GNAZ: variants seen among roughly 807,000 people sequenced by gnomAD.
The protein encoded by GNAZ is G protein subunit alpha z.
Under a neutral mutation model 25.4 loss-of-function variants are expected in GNAZ, and 3 were observed. The ratio of observed to expected loss-of-function variants is 0.12; its 90% CI spans 0.05 to 0.30. The LOEUF is 0.30. Among genes scored for constraint, GNAZ ranks in the 10% least tolerant of loss-of-function variants. The pLI is 1.00. For missense variants in GNAZ, 241 were observed against 501.8 expected (o/e 0.48, Z 4.97); for synonymous variants, 211 against 205.7 (o/e 1.03, Z -0.22).
At chr22:23,096,830 T>C (rs914088965) in intron 2 of GNAZ, among the ~76,000 whole-genome samples, 1 of 152,206 alleles carries the variant, frequency 6.6e-6, no homozygotes, top group African/African-American at 2.4e-5. Flanking sequence ...AAGAGCTGTT[T>C]AGAAGGGATA....
At chr22:23,111,135 T>C (rs2146362445) in intron 2 of GNAZ, among the ~76,000 whole-genome samples, 1 of 152,318 alleles carries the variant, frequency 6.6e-6, no homozygotes, top group African/African-American at 2.4e-5. Flanking sequence ...CTCCACCTGC[T>C]CTCACACTGA....
At position 23,078,878 on chromosome 22, in the gene GNAZ, G is replaced by A. The variant is rs571148745; in HGVS notation, c.-450+8308G>A. Among the ~76,000 whole-genome samples, 80 of 152,322 alleles carry A rather than the reference G, an allele frequency of 5.3e-4. No individual in the cohort carries two copies. The South Asian group carries it at 0.015, about 29-fold the overall frequency. On this transcript the variant is annotated intron_variant, in intron 1 of 2. Transcript: ENST00000615612. ...CCGGGCCTGAGGGCTTAGTCGTGGG[G>A]CAGCATCAGGATCGGCCAAGTCCAG...
intron 1 of GNAZ, among the ~76,000 whole-genome samples, chr22:23,075,882 T>G (rs932540387): frequency 1.3e-5 from 2 of 152,092 alleles, no homozygotes; most frequent in African/African-American, 4.8e-5. Context: ...CAAGGTCCTT[T>G]GTGAGGTCTG....
At chr22:23,084,216 CTT>C (rs770538093) in intron 1 of GNAZ, among the ~76,000 whole-genome samples, 6 of 152,162 alleles carry the variant, frequency 3.9e-5, no homozygotes, top group Non-Finnish European at 8.8e-5. Context: ...GATGGTTTGA[CTT>C]GCAGTTTTTC....
At position 23,095,608 on chromosome 22, in the gene GNAZ, C is replaced by G; in HGVS notation, c.-88C>G. 1.4e-6 allele frequency: 2 copies of G among 1,455,054 alleles called. No individual in the cohort carries two copies. The highest frequency in any genetic ancestry group is 1.8e-6 in the Non-Finnish European group (2 of 1,085,854). 90.1% of individuals were successfully genotyped at this position (1,455,054 alleles called of 1,614,324 possible). On this transcript the variant is annotated 5_prime_UTR_variant, in exon 2 of 3. Transcript: ENST00000615612. The stretch of plus-strand genomic sequence containing the variant: ...TGAGTGCCTCCAGGGCAGCTGGGCT[C>G]TTGTCTGCCTGGTCTCAGTGTCCCC...
rs534872630 is a variant in GNAZ at position 23,124,724 on chromosome 22, T to A, written c.*1293T>A. On this transcript the variant is annotated 3_prime_UTR_variant, in exon 3 of 3. Transcript: ENST00000615612. ...ACTCCTGTGAAGGCACAGCCAGCGT[T>A]GTGGCCTGAGGGAGGCCCTGCTGGG... The A allele has an allele frequency of 5.0e-5, 9 of 179,920 alleles. No individual in the cohort carries two copies. The highest frequency in any genetic ancestry group is 1.9e-4 in the African/African-American group (8 of 42,072). 11.1% of individuals were successfully genotyped at this position (179,920 alleles called of 1,614,324 possible).
chr22:23,121,117 C>T (rs2070013702), intron 2 of GNAZ, among the ~76,000 whole-genome samples: 1 of 152,206 alleles, frequency 6.6e-6, no homozygotes, highest in Non-Finnish European at 1.5e-5. Flanking sequence ...GAGGCGCTGG[C>T]TCCTCTCTGC....
At chr22:23,076,362 C>T (rs1230046860) in intron 1 of GNAZ, among the ~76,000 whole-genome samples, 2 of 152,186 alleles carry the variant, frequency 1.3e-5, no homozygotes, top group Admixed American at 1.3e-4. Context: ...ACTGAATATT[C>T]GCAGACAGTC....
rs2069115785 is a variant in GNAZ at position 23,096,103 on chromosome 22, G to A, written c.408G>A (p.Gly136=). The change falls in exon 2 of 3, where the codon GGG becomes GGA. Residue 136 remains glycine (G), a synonymous_variant. Transcript: ENST00000615612. ...TGCGACGGCTCTGGGCCGACCCAGG[G>A]GCACAGGCCTGCTTCAGCCGCTCCA... ...GVMRRLWADP[G]AQACFSRSSE... is the part of the protein sequence containing the mutation. The A allele has an allele frequency of 6.2e-7, 1 of 1,610,770 alleles. No individual in the cohort carries two copies. The highest frequency in any genetic ancestry group is 8.5e-7 in the Non-Finnish European group (1 of 1,180,004).
At chr22:23,083,613 G>T (rs576734637) in intron 1 of GNAZ, among the ~76,000 whole-genome samples, 11 of 152,272 alleles carry the variant, frequency 7.2e-5, no homozygotes, top group Non-Finnish European at 5.9e-5. Flanking sequence ...CCTGCGGTGG[G>T]TACCCTGGGG....
At chr22:23,112,636 C>T (rs775511847) in intron 2 of GNAZ, among the ~76,000 whole-genome samples, 5 of 152,176 alleles carry the variant, frequency 3.3e-5, no homozygotes, top group African/African-American at 4.8e-5. Context: ...GGGCCACTTC[C>T]TGAGAAATGG....
chr22:23,082,209 T>G (rs1449969832), intron 1 of GNAZ, among the ~76,000 whole-genome samples: 1 of 151,910 alleles, frequency 6.6e-6, no homozygotes, highest in Non-Finnish European at 1.5e-5. Context: ...TCGTTGTGTT[T>G]TTTTGTTTTT....
At chr22:23,116,764 C>T (rs1197974893) in intron 2 of GNAZ, among the ~76,000 whole-genome samples, 1 of 152,178 alleles carries the variant, frequency 6.6e-6, no homozygotes, top group Non-Finnish European at 1.5e-5. Flanking sequence ...AGCTGGAAAG[C>T]CGTGAGTGCC....
Position 23,123,833 on chromosome 22 carries a change from G to T in GNAZ, c.*402G>T. 1 of 232,686 alleles carries T rather than the reference G, an allele frequency of 4.3e-6. No homozygotes were observed. The highest frequency in any genetic ancestry group is 8.5e-6 in the Non-Finnish European group (1 of 117,558). The allele number at this position is 232,686 out of a possible 1,614,324, so 14.4% of individuals were successfully genotyped here. The stretch of plus-strand genomic sequence containing the variant: ...AGGGCTGAGGCAAGGTAGGCCAACT[G>T]CACCCCTGTCGCCTGGAGGAGGGCC... On this transcript the variant is annotated 3_prime_UTR_variant, in exon 3 of 3. Coordinates refer to ENST00000615612, the MANE Select transcript of GNAZ (RefSeq NM_002073.4).
At chr22:23,086,891 C>T (rs1368009916) in intron 1 of GNAZ, among the ~76,000 whole-genome samples, 1 of 152,216 alleles carries the variant, frequency 6.6e-6, no homozygotes, top group Non-Finnish European at 1.5e-5. Flanking sequence ...ACCGAGGAGG[C>T]CCCTACAGGT....
At chr22:23,121,220 C>T (rs939330696) in intron 2 of GNAZ, among the ~76,000 whole-genome samples, 3 of 152,212 alleles carry the variant, frequency 2.0e-5, no homozygotes, top group African/African-American at 7.2e-5. Context: ...CCTCAGGACT[C>T]CTGTTATTCC....
At position 23,071,722 on chromosome 22, in the gene GNAZ, G is replaced by A. The variant is rs2068382344; in HGVS notation, c.-450+1152G>A. On this transcript the variant is annotated intron_variant, in intron 1 of 2. Coordinates refer to ENST00000615612, the MANE Select transcript of GNAZ (RefSeq NM_002073.4). The surrounding 1 kb of genome is among the most constrained non-coding windows in gnomAD (Gnocchi z 4.1). ...AGTGCAGGTGCAGGGGCCTCGGGAG[G>A]GACCTCAGAGTGGTGTCCTGGGCTG... is the stretch of plus-strand genomic sequence containing the variant. Among the ~76,000 whole-genome samples, 3 of 152,224 alleles carry A rather than the reference G, an allele frequency of 2.0e-5. No individual in the cohort carries two copies. Among genetic ancestry groups the A allele is most frequent in the Admixed American group, 2.0e-4 (3 of 15,286 alleles).
At chr22:23,087,501 C>T (rs191642263) in intron 1 of GNAZ, among the ~76,000 whole-genome samples, 28 of 152,242 alleles carry the variant, frequency 1.8e-4, no homozygotes, top group Admixed American at 1.6e-3. Context: ...TCACCTTGCC[C>T]GCTGCCTAGA....
At chr22:23,080,570 C>T (rs144366893) in intron 1 of GNAZ, among the ~76,000 whole-genome samples, 1 of 152,180 alleles carries the variant, frequency 6.6e-6, no homozygotes, top group East Asian at 1.9e-4. Flanking sequence ...TAAGGTGAGA[C>T]CCGTTGCGGA....
Sources: gnomAD v4.1 joint callset for allele counts (sites outside exome capture counted in the v4.1 genomes callset) on GRCh38, gnomAD v4.1.1 for gene constraint, Gnocchi (gnomAD v3.1) non-coding constraint, MANE v1.5 for transcripts, NCBI Gene and HGNC (gene_info 2026-07-23, HGNC 2026-07-21) for gene names.